WNT2: variants seen among roughly 807,000 people sequenced by gnomAD.
WNT2 encodes the protein Wnt family member 2.
In WNT2, 12 loss-of-function variants were observed where a neutral mutation model predicts 36.9. That is an observed-to-expected ratio of 0.33 (90% CI 0.21 to 0.53). The LOEUF is 0.53. WNT2 is among the 20% of genes least tolerant of loss of function. The pLI, the probability that WNT2 is intolerant of heterozygous loss-of-function variation, is 0.95. For synonymous variants in WNT2, 163 were observed against 174.6 expected, an observed-to-expected ratio of 0.93 and a Z score of 0.52; for missense variants, 379 against 473.1, an observed-to-expected ratio of 0.80 and a Z score of 1.84.
At position 117,284,544 on chromosome 7, in the gene WNT2, A is replaced by C. The variant is rs1317189348; in HGVS notation, c.854-6160T>G. 6.6e-6 allele frequency among the ~76,000 whole-genome samples: 1 copy of C among 152,230 alleles called. No homozygotes were observed. The highest frequency in any genetic ancestry group is 2.4e-5 in the African/African-American group (1 of 41,452). ...AACCACTGGGGAGACAAACCCAGCT[A>C]CATCTATCAGCCTTAATCCCATAAG... On this transcript the variant is annotated intron_variant, in intron 4 of 4. Transcript: ENST00000265441. The surrounding 1 kb of genome is among the most constrained non-coding windows in gnomAD (Gnocchi z 5.2).
intron 4 of WNT2, among the ~76,000 whole-genome samples, chr7:117,287,863 C>T (rs528318692): frequency 6.6e-6 from 1 of 152,140 alleles, no homozygotes; most frequent in Non-Finnish European, 1.5e-5. Context: ...TGGTGGACAC[C>T]TGTAATCCCA....
chr7:117,280,940 A>G (rs79665929), intron 4 of WNT2, among the ~76,000 whole-genome samples: 3,589 of 152,318 alleles, frequency 0.024, 56 homozygotes, highest in Non-Finnish European at 0.039. Flanking sequence ...TCAGGAGCTT[A>G]TGTTCTAAGG....
chr7:117,315,109 C>T lies in WNT2; in HGVS notation c.550G>A (p.Ala184Thr), dbSNP rs1453282296. Residue 184 changes from alanine (A) to threonine (T), a missense_variant, in exon 3 of 5, where the codon GCC (alanine) becomes ACC (threonine). Physicochemically the swap from Ala to Thr is moderately conservative, Grantham distance 58. Transcript: ENST00000265441. Reference sequence around the variant, plus strand: ...CTGTTGTTGTGAAGATTCATCAGGGCTCTGGCATCCTTTCCTTTCCTTTCC... The same window carrying T: ...CTGTTGTTGTGAAGATTCATCAGGGTTCTGGCATCCTTTCCTTTCCTTTCC... ...AKERKGKDAR[A>T]LMNLHNNRAG... The T allele has an allele frequency of 6.2e-7, 1 of 1,614,034 alleles. No homozygotes were observed. Among genetic ancestry groups the T allele is most frequent in the Non-Finnish European group, 8.5e-7 (1 of 1,180,024 alleles).
chr7:117,322,861 C>G lies in WNT2; in HGVS notation c.83+46G>C. Reference sequence around the variant, plus strand: ...AGGGTCTATGTGGCCAATGCGGTCCCCATTCCGATCTCCAAAATCCCCCGC... The same window carrying G: ...AGGGTCTATGTGGCCAATGCGGTCCGCATTCCGATCTCCAAAATCCCCCGC... On this transcript the variant is annotated intron_variant, in intron 1 of 4. Coordinates refer to ENST00000265441, the MANE Select transcript of WNT2 (RefSeq NM_003391.3). The surrounding 1 kb of genome is among the most constrained non-coding windows in gnomAD (Gnocchi z 5.4). The G allele has an allele frequency of 3.2e-6, 5 of 1,587,222 alleles. No individual in the cohort carries two copies. The highest frequency in any genetic ancestry group is 4.3e-6 in the Non-Finnish European group (5 of 1,162,510).
chr7:117,315,191 G>A lies in WNT2; in HGVS notation c.468C>T (p.Gly156=). The A allele has an allele frequency of 6.2e-7, 1 of 1,614,114 alleles. No individual in the cohort carries two copies. Among genetic ancestry groups the A allele is most frequent in the Non-Finnish European group, 8.5e-7 (1 of 1,180,010 alleles). ...KDSKGIFDWG[G]CSDNIDYGIK... ...TCCCATAGTCAATGTTATCACTGCA[G>A]CCACCCCAATCAAAAATGCCTTTGC... is the stretch of plus-strand genomic sequence containing the variant. Residue 156 remains glycine, a synonymous_variant, in exon 3 of 5, where the codon GGC becomes GGT. Coordinates refer to ENST00000265441, the MANE Select transcript of WNT2 (RefSeq NM_003391.3).
intron 4 of WNT2, among the ~76,000 whole-genome samples, chr7:117,282,767 A>T (rs1356884939): frequency 1.3e-5 from 2 of 152,182 alleles, no homozygotes; most frequent in Non-Finnish European, 2.9e-5. Context: ...TTTCAGAAGG[A>T]TCTCCAAGGG....
intron 3 of WNT2, among the ~76,000 whole-genome samples, chr7:117,301,757 G>C (rs1187875324): frequency 6.8e-6 from 1 of 147,950 alleles, no homozygotes. Flanking sequence ...TTTGAATTAT[G>C]ATTTGAATTG....
chr7:117,306,525 A>G (rs1795017485), intron 3 of WNT2, among the ~76,000 whole-genome samples: 1 of 152,204 alleles, frequency 6.6e-6, no homozygotes, highest in South Asian at 2.1e-4. Flanking sequence ...ACACAGTCAC[A>G]TCCTGGTTTC....
At chr7:117,301,921 C>T (rs186393087) in intron 3 of WNT2, among the ~76,000 whole-genome samples, 1 of 151,390 alleles carries the variant, frequency 6.6e-6, no homozygotes, top group African/African-American at 2.4e-5. Flanking sequence ...GATTCTCCTG[C>T]CTCAGCCTCC....
rs1794543655 is a variant in WNT2 at position 117,284,214 on chromosome 7, C to T, written c.854-5830G>A. Among the ~76,000 whole-genome samples the T allele has an allele frequency of 6.6e-6, 1 of 152,182 alleles. No homozygotes were observed. The highest frequency in any genetic ancestry group is 2.4e-5 in the African/African-American group (1 of 41,440). ...CCAGAGTGCAGAATCTATACAAAAT[C>T]GCTGGCATTACTTTCCCCTTAATGA... On this transcript the variant is annotated intron_variant, in intron 4 of 4. Transcript: ENST00000265441. The surrounding 1 kb of genome is among the most constrained non-coding windows in gnomAD (Gnocchi z 5.2).
In WNT2 at chr7:117,320,773, C is replaced by T; in HGVS notation, c.104G>A (p.Gly35Asp). The T allele has an allele frequency of 6.8e-6, 11 of 1,611,560 alleles. No homozygotes were observed. Among genetic ancestry groups the T allele is most frequent in the Non-Finnish European group, 9.3e-6 (11 of 1,179,642 alleles). ...ATTATCGCACATCACCCTGGAGGAG[C>T]CACCTGTAGCTCTCATGTACCTATA... ...SSWWYMRATG[G>D]SSRVMCDNVP... Residue 35 changes from glycine (G) to aspartate (D), a missense_variant, in exon 2 of 5, where the codon GGC (glycine) becomes GAC (aspartate). Gly to Asp is a moderately conservative substitution (Grantham distance 94). Transcript: ENST00000265441.
intron 4 of WNT2, among the ~76,000 whole-genome samples, chr7:117,280,435 A>T (rs1794461068): frequency 6.6e-6 from 1 of 152,188 alleles, no homozygotes; most frequent in African/African-American, 2.4e-5. Context: ...GAATAAAATA[A>T]ATAGGACCAA....
At chr7:117,289,238 T>G in intron 4 of WNT2, among the ~76,000 whole-genome samples, 1 of 151,944 alleles carries the variant, frequency 6.6e-6, no homozygotes, top group Non-Finnish European at 1.5e-5. Context: ...TTTTGTATTT[T>G]TAGTAGAGAC....
intron 4 of WNT2, among the ~76,000 whole-genome samples, chr7:117,283,371 T>C (rs1387768681): frequency 6.6e-6 from 1 of 152,226 alleles, no homozygotes; most frequent in South Asian, 2.1e-4. Flanking sequence ...CTGATCTGTA[T>C]TTATCAAAAT....
chr7:117,302,725 A>C (rs751677224), intron 3 of WNT2, among the ~76,000 whole-genome samples: 2 of 152,224 alleles, frequency 1.3e-5, no homozygotes, highest in Non-Finnish European at 2.9e-5. Flanking sequence ...ATGGAATATT[A>C]TGTGGTCTCT....
chr7:117,296,675 T>C (rs1382636588), intron 4 of WNT2, among the ~76,000 whole-genome samples: 5 of 152,088 alleles, frequency 3.3e-5, no homozygotes, highest in Non-Finnish European at 5.9e-5. Flanking sequence ...GAGCTCAGGG[T>C]TGATCAAGAG....
At chr7:117,307,966 T>A (rs1795044368) in intron 3 of WNT2, among the ~76,000 whole-genome samples, 1 of 152,248 alleles carries the variant, frequency 6.6e-6, no homozygotes, top group Admixed American at 6.5e-5. Context: ...TAGTTGGGTA[T>A]ATTCTACAAA....
At position 117,278,034 on chromosome 7, in the gene WNT2, T is replaced by G; in HGVS notation, c.*121A>C. On this transcript the variant is annotated 3_prime_UTR_variant, in exon 5 of 5. Coordinates refer to ENST00000265441, the MANE Select transcript of WNT2 (RefSeq NM_003391.3). Reference sequence around the variant, plus strand: ...CCCAGGGAGGAAGAGGGGGCTTCCGTTGAGATAAAGGCCACATGCCTTAGG... The same window carrying G: ...CCCAGGGAGGAAGAGGGGGCTTCCGGTGAGATAAAGGCCACATGCCTTAGG... The G allele has an allele frequency of 3.9e-5, 46 of 1,170,882 alleles. No homozygotes were observed. The highest frequency in any genetic ancestry group is 4.4e-5 in the Non-Finnish European group (36 of 826,234). The allele number at this position is 1,170,882 out of a possible 1,614,324, so 72.5% of individuals were successfully genotyped here.
intron 4 of WNT2, among the ~76,000 whole-genome samples, chr7:117,293,402 C>T (rs991937697): frequency 6.6e-6 from 1 of 152,060 alleles, no homozygotes; most frequent in Non-Finnish European, 1.5e-5. Flanking sequence ...TTCCCCAGTG[C>T]TGGCAAGTAG....
Sources: gnomAD v4.1 joint callset for allele counts (sites outside exome capture counted in the v4.1 genomes callset) on GRCh38, gnomAD v4.1.1 for gene constraint, Gnocchi (gnomAD v3.1) non-coding constraint, MANE v1.5 for transcripts, NCBI Gene and HGNC (gene_info 2026-07-23, HGNC 2026-07-21) for gene names.